The following SLCO1A2 variants were observed in gnomAD, a reference collection of about 807,000 sequenced individuals.
SLCO1A2 encodes solute carrier organic anion transporter family member 1A2, also known as OATP-1.
SLCO1A2 carries 67 observed loss-of-function variants against 69.0 expected under a neutral mutation model. The observed-to-expected ratio is 0.97, with a 90% CI of 0.80 to 1.19. SLCO1A2 has a LOEUF of 1.19. Among genes scored for constraint, SLCO1A2 ranks in the 50% most tolerant of loss-of-function variants. The pLI, the probability that SLCO1A2 is intolerant of heterozygous loss-of-function variation, is 0.00. For missense variants in SLCO1A2, 787 were observed against 793.7 expected (o/e 0.99, Z 0.10); for synonymous variants, 260 against 265.9 (o/e 0.98, Z 0.22).
upstream of SLCO1A2, among the ~76,000 whole-genome samples, chr12:21,399,915 T>C (rs1193094976): frequency 1.3e-5 from 2 of 151,486 alleles, no homozygotes; most frequent in African/African-American, 4.9e-5. Context: ...CCTAAAACCA[T>C]AAAAACCCTA....
chr12:21,288,033 A>G (rs1371180286), intron 12 of SLCO1A2, among the ~76,000 whole-genome samples: 1 of 150,576 alleles, frequency 6.6e-6, no homozygotes, highest in Admixed American at 6.6e-5. Flanking sequence ...AAAAAAAAGA[A>G]TGAGACCCTT....
intron 2 of SLCO1A2, among the ~76,000 whole-genome samples, chr12:21,347,702 A>AGGAAGGAAGGAAGAAAGAG (rs1555122088): frequency 6.7e-6 from 1 of 148,202 alleles, no homozygotes; most frequent in Non-Finnish European, 1.5e-5. Context: ...GGAAGGAAGA[A>AGGAAGGAAGGAAGAAAGAG]GGAAAAAAGG....
intron 7 of SLCO1A2, among the ~76,000 whole-genome samples, chr12:21,300,888 T>C (rs1369550263): frequency 6.6e-6 from 1 of 152,206 alleles, no homozygotes; most frequent in Non-Finnish European, 1.5e-5. Context: ...TTGAAATAAA[T>C]TCAAACCTAC....
intron 12 of SLCO1A2, among the ~76,000 whole-genome samples, chr12:21,283,009 C>A (rs1945091901): frequency 6.6e-6 from 1 of 152,110 alleles, no homozygotes; most frequent in Non-Finnish European, 1.5e-5. Flanking sequence ...AATCTGCAAT[C>A]TACAGATTTG....
chr12:21,371,762 G>A lies in SLCO1A2; in HGVS notation c.-63+2637C>T, dbSNP rs867831611. ...TGACGCCTGTAATCCCAGCACTTTG[G>A]GAGGCAGAAGTGGGCGGATCACCTG... On this transcript the variant is annotated intron_variant, in intron 2 of 15. Coordinates refer to the SLCO1A2 transcript ENST00000307378. Among the ~76,000 whole-genome samples the A allele has an allele frequency of 1.2e-4, 19 of 152,250 alleles. No homozygotes were observed. In the Middle Eastern group the frequency reaches 0.01, roughly 82 times the overall value.
chr12:21,359,929 T>C (rs1351982183), intron 2 of SLCO1A2, among the ~76,000 whole-genome samples: 1 of 152,046 alleles, frequency 6.6e-6, no homozygotes, highest in Non-Finnish European at 1.5e-5. Flanking sequence ...TTTTGTAATA[T>C]ATTCACACAA....
At chr12:21,286,320 T>G (rs1388085652) in intron 12 of SLCO1A2, among the ~76,000 whole-genome samples, 1 of 147,938 alleles carries the variant, frequency 6.8e-6, no homozygotes, top group Non-Finnish European at 1.5e-5. Flanking sequence ...AAGGACCTCT[T>G]TGAGGAGAAC....
chr12:21,311,148 G>A (rs1464984462), intron 4 of SLCO1A2, among the ~76,000 whole-genome samples: 1 of 152,170 alleles, frequency 6.6e-6, no homozygotes, highest in Admixed American at 6.5e-5. Flanking sequence ...TGAGATTGCA[G>A]CAATTAAGTC....
chr12:21,358,435 T>C (rs939185399), intron 2 of SLCO1A2, among the ~76,000 whole-genome samples: 4 of 152,208 alleles, frequency 2.6e-5, no homozygotes, highest in Admixed American at 2.6e-4. Flanking sequence ...GGCAATCCAC[T>C]AACGAGATGG....
chr12:21,283,016 T>G (rs1392309344), intron 12 of SLCO1A2, among the ~76,000 whole-genome samples: 1 of 152,134 alleles, frequency 6.6e-6, no homozygotes, highest in African/African-American at 2.4e-5. Context: ...AATCTACAGA[T>G]TTGATGCTAT....
At chr12:21,308,295 G>C (rs549815624) in intron 4 of SLCO1A2, among the ~76,000 whole-genome samples, 1 of 152,238 alleles carries the variant, frequency 6.6e-6, no homozygotes, top group East Asian at 1.9e-4. Context: ...CAATAAAAGA[G>C]AGCTCAACAA....
At chr12:21,338,544 G>A (rs557253226), upstream of SLCO1A2, among the ~76,000 whole-genome samples, 9 of 151,648 alleles carry the variant, frequency 5.9e-5, no homozygotes, top group South Asian at 2.1e-4. Flanking sequence ...AGCTATATTC[G>A]GAATTGAGCC....
intron 14 of SLCO1A2, among the ~76,000 whole-genome samples, chr12:21,272,796 G>A (rs1591769996): frequency 6.6e-6 from 1 of 151,940 alleles, no homozygotes; most frequent in East Asian, 1.9e-4. Flanking sequence ...ATTTGTGTGG[G>A]GTTTTTTCTT....
intron 1 of SLCO1A2, among the ~76,000 whole-genome samples, chr12:21,385,905 G>T (rs1050677155): frequency 7.9e-5 from 12 of 152,168 alleles, no homozygotes; most frequent in African/African-American, 2.9e-4. Flanking sequence ...AACCCCTCCT[G>T]CAGAAAAGCC....
Position 21,391,792 on chromosome 12 carries a change from T to C in SLCO1A2, c.-190+3114A>G, listed in dbSNP as rs147098058. 4.2e-3 allele frequency among the ~76,000 whole-genome samples: 632 copies of C among 151,384 alleles called. 2 individuals are homozygous for C. The highest frequency in any genetic ancestry group is 0.012 in the South Asian group (58 of 4,784). On this transcript the variant is annotated intron_variant, in intron 1 of 15. Transcript: ENST00000307378. ...GGTCACTTTTAGTTCCCCCAAAAGG[T>C]GCAGTTCTGGATTAATATGTCTAGT...
intron 2 of SLCO1A2, among the ~76,000 whole-genome samples, chr12:21,322,620 C>T (rs1222447577): frequency 6.6e-6 from 1 of 152,076 alleles, no homozygotes; most frequent in East Asian, 1.9e-4. Context: ...CGGATAAAGC[C>T]TCTAGGTAGC....
intron 10 of SLCO1A2, 110 bp from the exon 11 acceptor site, chr12:21,294,220 G>A: frequency 1.1e-6 from 1 of 898,786 alleles, no homozygotes; most frequent in Non-Finnish European, 1.6e-6. Context: ...TGAATAGAAA[G>A]AGAAATTTTC....
At chr12:21,325,712 C>G (rs113072414) in intron 2 of SLCO1A2, among the ~76,000 whole-genome samples, 1 of 152,158 alleles carries the variant, frequency 6.6e-6, no homozygotes, top group African/African-American at 2.4e-5. Flanking sequence ...TTGTTTCAAC[C>G]CCATCAATTT....
At chr12:21,371,229 G>A (rs752227038) in intron 2 of SLCO1A2, among the ~76,000 whole-genome samples, 63 of 152,106 alleles carry the variant, frequency 4.1e-4, no homozygotes, top group Non-Finnish European at 6.6e-4. Flanking sequence ...TGGCACACTA[G>A]GGGGCGTGTC....
Sources: gnomAD v4.1 joint callset for allele counts (sites outside exome capture counted in the v4.1 genomes callset) on GRCh38, gnomAD v4.1.1 for gene constraint, MANE v1.5 for transcripts, NCBI Gene and HGNC (gene_info 2026-07-23, HGNC 2026-07-21) for gene names.